The following NME4 variants were observed in gnomAD, a reference collection of about 807,000 sequenced individuals.
NME4 encodes the protein nucleoside diphosphate kinase D, mitochondrial.
NME4 carries 21 observed loss-of-function variants against 16.4 expected under a neutral mutation model. The ratio of observed to expected loss-of-function variants is 1.28; its 90% CI spans 0.91 to 1.84. The LOEUF is 1.84. Among genes scored for constraint, NME4 ranks in the 40% most tolerant of loss-of-function variants. NME4 has a pLI of 0.00. For missense variants in NME4, 316 were observed against 261.3 expected (o/e 1.21, Z -1.44); for synonymous variants, 132 against 107.5 (o/e 1.23, Z -1.41).
In NME4 at chr16:399,655, C is replaced by T. The variant is rs755110959; in HGVS notation, c.356C>T (p.Ala119Val). The T allele has an allele frequency of 6.2e-7, 1 of 1,613,184 alleles. No homozygotes were observed. Among genetic ancestry groups the T allele is most frequent in the South Asian group, 1.1e-5 (1 of 91,084 alleles). Residue 119 changes from alanine to valine, a missense_variant, in exon 4 of 5, where the codon GCC becomes GTC. Coordinates refer to ENST00000219479, the MANE Select transcript of NME4 (RefSeq NM_005009.3). Reference sequence around the variant, plus strand: ...TGGGAAGGGTACAATGTCGTCCGCGCCTCGAGGGCCATGATTGGACACACC... The same window carrying T: ...TGGGAAGGGTACAATGTCGTCCGCGTCTCGAGGGCCATGATTGGACACACC... ...MVWEGYNVVR[A>V]SRAMIGHTDS...
At chr16:398,267 CG>C (rs1887237505) in intron 1 of NME4, 1 of 1,387,118 alleles carries the variant, frequency 7.2e-7, no homozygotes, top group African/African-American at 1.5e-5. Flanking sequence ...GGTCTGGAAG[CG>C]ACAGGCCTTG....
intron 1 of NME4, chr16:398,032 C>T (rs940601069): frequency 2.0e-6 from 3 of 1,533,634 alleles, no homozygotes; most frequent in Admixed American, 4.0e-5. Context: ...CAGCCGCCTG[C>T]TGGGGTTAAC....
At chr16:398,544 A>T in intron 1 of NME4, 1 of 576,542 alleles carries the variant, frequency 1.7e-6, no homozygotes, top group Non-Finnish European at 2.6e-6. Context: ...GTTTTGCAGG[A>T]TCTCCAGACT....
chr16:400,373 C>G lies in NME4; in HGVS notation c.*31C>G, dbSNP rs773666514. ...AAGCTGCCCTTACCACCCCATCCCC[C>G]ACGCAGGACCAACTACCTCCGTCAG... is the stretch of plus-strand genomic sequence containing the variant. On this transcript the variant is annotated 3_prime_UTR_variant, in exon 5 of 5. Coordinates refer to ENST00000219479, the MANE Select transcript of NME4 (RefSeq NM_005009.3). 6.3e-7 allele frequency: 1 copy of G among 1,584,118 alleles called. No homozygotes were observed. Among genetic ancestry groups the G allele is most frequent in the African/African-American group, 1.4e-5 (1 of 73,458 alleles).
chr16:398,448 T>C, intron 1 of NME4: 3 of 1,166,402 alleles, frequency 2.6e-6, no homozygotes, highest in Non-Finnish European at 3.3e-6. Context: ...CAGGGTGGGC[T>C]CTGGGTTCTT....
chr16:399,048 AC>A lies in NME4; in HGVS notation c.151del (p.Arg51GlyfsTer7), dbSNP rs769394783. On this transcript the variant is annotated frameshift_variant, in exon 2 of 5. Coordinates refer to ENST00000219479, the MANE Select transcript of NME4 (RefSeq NM_005009.3). LOFTEE classifies it high-confidence loss of function. ...TGGCGGTGAAGCCCGATGGCGTGCA[AC>A]GGCGGCTCGTTGGGGACGTGATCCA... Reference protein sequence around the residue: ...LVAVKPDGVQRRLVGDVIQRF... With the variant: ...LVAVKPDGVQXRLVGDVIQRF... 6.2e-7 allele frequency: 1 copy of A among 1,607,980 alleles called. No individual in the cohort carries two copies. Among genetic ancestry groups the A allele is most frequent in the Non-Finnish European group, 8.5e-7 (1 of 1,179,638 alleles).
In NME4 at chr16:398,980, C is replaced by G. The variant is rs1377638658; in HGVS notation, c.92-10C>G. 1 of 1,609,738 alleles carries G rather than the reference C, an allele frequency of 6.2e-7. No individual in the cohort carries two copies. The highest frequency in any genetic ancestry group is 8.5e-7 in the Non-Finnish European group (1 of 1,179,804). ...AGGTGGCAGTGCCTCTGACCTCTTG[C>G]CTTTTGAAGGAGGGCCCTCCTGGAC... On this transcript the variant is annotated splice_polypyrimidine_tract_variant and intron_variant, in intron 1 of 4. Coordinates refer to ENST00000219479, the MANE Select transcript of NME4 (RefSeq NM_005009.3).
At chr16:400,126 T>C (rs773554648) in intron 4 of NME4, 93 bp from the exon 5 acceptor site, 41 of 1,556,244 alleles carry the variant, frequency 2.6e-5, no homozygotes, top group Non-Finnish European at 3.6e-5. Context: ...CTTGCTCCCC[T>C]AGACAGAGGG....
chr16:400,000 T>C, intron 4 of NME4: 1 of 725,678 alleles, frequency 1.4e-6, no homozygotes, highest in South Asian at 1.7e-5. Context: ...TGGGGGGAAA[T>C]GAGGCTCCCA....
intron 1 of NME4, 27 bp from the exon 2 acceptor site, chr16:398,963 G>T (rs534540406): frequency 6.2e-7 from 1 of 1,608,392 alleles, no homozygotes; most frequent in South Asian, 1.1e-5. Context: ...TGAGGTGGCA[G>T]TGCCTCTGAC....
chr16:397,863 A>T (rs1415998459), intron 1 of NME4: 5 of 1,552,874 alleles, frequency 3.2e-6, no homozygotes, highest in Non-Finnish European at 3.5e-6. Context: ...ACCTCACAGG[A>T]CGATCCATGT....
intron 1 of NME4, chr16:398,618 G>A (rs2054597246): frequency 2.5e-6 from 1 of 396,806 alleles, no homozygotes; most frequent in African/African-American, 2.1e-5. Context: ...GAGCTGGGCT[G>A]TCCCTCCCTG....
In NME4 at chr16:397,573, T is replaced by A. The variant is rs1321762150; in HGVS notation, c.91+260T>A. ...CCGGCGAGTTGGCAGCCTGGGCGGG[T>A]CCGGGGCGACCGAGGGCCCGGGAGC... On this transcript the variant is annotated intron_variant, in intron 1 of 4. Coordinates refer to ENST00000219479, the MANE Select transcript of NME4 (RefSeq NM_005009.3). Among the ~76,000 whole-genome samples the A allele has an allele frequency of 5.5e-3, 522 of 95,516 alleles. 5 individuals are homozygous for A. Among genetic ancestry groups the A allele is most frequent in the Non-Finnish European group, 8.8e-3 (426 of 48,492 alleles). 62.7% of individuals were successfully genotyped at this position (95,516 alleles called of 152,430 possible). A position where few individuals can be genotyped will look rare whatever the true frequency, so the allele number is the denominator to read the frequency against.
At position 397,319 on chromosome 16, in the gene NME4, T is replaced by A; in HGVS notation, c.91+6T>A. On this transcript the variant is annotated splice_donor_region_variant and intron_variant, in intron 1 of 4. Transcript: ENST00000219479. ...GCTAGTGCGCCACGGCTCGGGTGAGTGGGGCCGCGCGCCCCGGCGGGGACG... is the reference window on the plus strand; with the variant it reads ...GCTAGTGCGCCACGGCTCGGGTGAGAGGGGCCGCGCGCCCCGGCGGGGACG... 9.7e-7 allele frequency: 1 copy of A among 1,031,046 alleles called. No homozygotes were observed. Among genetic ancestry groups the A allele is most frequent in the Non-Finnish European group, 1.2e-6 (1 of 856,738 alleles). The allele number at this position is 1,031,046 out of a possible 1,614,324, so 63.9% of individuals were successfully genotyped here.
chr16:399,642 A>G lies in NME4; in HGVS notation c.343A>G (p.Asn115Asp), dbSNP rs769561466. The G allele has an allele frequency of 9.3e-6, 15 of 1,613,050 alleles. No individual in the cohort carries two copies. Among genetic ancestry groups the G allele is most frequent in the Admixed American group, 1.7e-5 (1 of 59,994 alleles). The change falls in exon 4 of 5, where the codon AAT (asparagine) becomes GAT (aspartate). Residue 115 changes from asparagine to aspartate, a missense_variant. Asn to Asp is a conservative substitution (Grantham distance 23, BLOSUM62 1). Transcript: ENST00000219479. ...PVVAMVWEGY[N>D]VVRASRAMIG... ...CTCGCTGCAGGTCTGGGAAGGGTAC[A>G]ATGTCGTCCGCGCCTCGAGGGCCAT...
intron 1 of NME4, chr16:398,753 GC>G (rs2054599663): frequency 1.7e-6 from 1 of 600,332 alleles, no homozygotes; most frequent in Non-Finnish European, 2.9e-6. Context: ...GCTGGGAGGA[GC>G]CATGGCCCCT....
chr16:399,545 C>T (rs879720684), intron 3 of NME4, 65 bp downstream of exon 3: 21 of 1,591,680 alleles, frequency 1.3e-5, no homozygotes, highest in Admixed American at 1.7e-5. Context: ...GTCTTTCCCC[C>T]CAGCAAAGGG....
In NME4 at chr16:400,361, C is replaced by G; in HGVS notation, c.*19C>G. 1 of 1,593,332 alleles carries G rather than the reference C, an allele frequency of 6.3e-7. No individual in the cohort carries two copies. The highest frequency in any genetic ancestry group is 1.1e-5 in the South Asian group (1 of 89,906). ...AGCCTGAGGCTCAAGCTGCCCTTAC[C>G]ACCCCATCCCCCACGCAGGACCAAC... On this transcript the variant is annotated 3_prime_UTR_variant, in exon 5 of 5. Coordinates refer to ENST00000219479, the MANE Select transcript of NME4 (RefSeq NM_005009.3).
chr16:398,380 C>G, intron 1 of NME4: 1 of 1,257,660 alleles, frequency 8.0e-7, no homozygotes, highest in South Asian at 1.3e-5. Context: ...TTCCAGGGCT[C>G]ACCTGGTGGG....
Sources: allele counts gnomAD v4.1 joint callset (sites outside exome capture counted in the v4.1 genomes callset), GRCh38; gene constraint gnomAD v4.1.1; transcripts MANE v1.5; gene names NCBI Gene and HGNC (gene_info 2026-07-23, HGNC 2026-07-21).